The following SH3D19 variants were observed in gnomAD, a reference collection of about 807,000 sequenced individuals.
SH3D19 encodes the protein SH3 domain-containing protein 19.
A neutral mutation model predicts 112.1 loss-of-function variants in SH3D19; 58 were observed. The ratio of observed to expected loss-of-function variants is 0.52; its 90% CI spans 0.42 to 0.64. The LOEUF is 0.64. Ranked by LOEUF, SH3D19 falls within the 30% of genes least tolerant of loss-of-function variation. The pLI, the probability that SH3D19 is intolerant of heterozygous loss-of-function variation, is 0.00. For missense variants in SH3D19, 1,090 were observed against 1,263.4 expected, an observed-to-expected ratio of 0.86 and a Z score of 2.08; for synonymous variants, 391 against 448.5, an observed-to-expected ratio of 0.87 and a Z score of 1.62.
chr4:151,192,168 A>T (rs1180065593), intron 2 of SH3D19, among the ~76,000 whole-genome samples: 1 of 151,650 alleles, frequency 6.6e-6, no homozygotes, highest in African/African-American at 2.4e-5. Context: ...CGATCTCCTG[A>T]CCTCGTGATC....
At chr4:151,293,991 C>T (rs1775535206) in intron 1 of SH3D19, among the ~76,000 whole-genome samples, 1 of 152,190 alleles carries the variant, frequency 6.6e-6, no homozygotes, top group South Asian at 2.1e-4. Context: ...GGAAGCTATC[C>T]CCATCTCTCC....
chr4:151,174,951 G>A lies in SH3D19; in HGVS notation c.1253C>T (p.Pro418Leu). 1 of 1,614,148 alleles carries A rather than the reference G, an allele frequency of 6.2e-7. No homozygotes were observed. The highest frequency in any genetic ancestry group is 8.5e-7 in the Non-Finnish European group (1 of 1,179,970). ...CTTCAGCAGCAAAGGCCGCGGGGCA[G>A]GAGTTGGCACTTTCTTCCCACTATC... ...SSDSGKKVPT[P>L]APRPLLLKKS... The change falls in exon 7 of 20, where the codon CCT becomes CTT. Residue 418 changes from proline to leucine, a missense_variant. By Grantham distance (98) the Pro-to-Leu change is moderately conservative. Coordinates refer to ENST00000604030, the MANE Select transcript of SH3D19 (RefSeq NM_001378122.1).
At chr4:151,168,434 C>T (rs1758488399) in intron 7 of SH3D19, among the ~76,000 whole-genome samples, 1 of 150,298 alleles carries the variant, frequency 6.7e-6, no homozygotes, top group African/African-American at 2.5e-5. Context: ...GTCTCACTCT[C>T]ACCCACTCCC....
chr4:151,260,223 T>C (rs538549626), intron 1 of SH3D19, among the ~76,000 whole-genome samples: 12 of 152,218 alleles, frequency 7.9e-5, no homozygotes, highest in Non-Finnish European at 1.5e-4. Context: ...TTTCTCATTA[T>C]CCACCCTCTT....
At chr4:151,143,016 T>C (rs1753276990) in intron 12 of SH3D19, among the ~76,000 whole-genome samples, 1 of 152,144 alleles carries the variant, frequency 6.6e-6, no homozygotes. Context: ...TGCAGGCAGA[T>C]GGCTTAGCCC....
intron 2 of SH3D19, among the ~76,000 whole-genome samples, chr4:151,215,263 C>G (rs1260721948): frequency 1.3e-5 from 2 of 152,196 alleles, no homozygotes; most frequent in Admixed American, 6.5e-5. Flanking sequence ...TTTATAAGGC[C>G]TCTTCTACCT....
chr4:151,241,883 A>G (rs936094579), intron 1 of SH3D19, among the ~76,000 whole-genome samples: 2 of 151,196 alleles, frequency 1.3e-5, no homozygotes, highest in Non-Finnish European at 2.9e-5. Flanking sequence ...ATTTGGTATG[A>G]TATTAAAAAT....
chr4:151,191,233 T>C (rs183088972), intron 2 of SH3D19, among the ~76,000 whole-genome samples: 38 of 152,350 alleles, frequency 2.5e-4, no homozygotes, highest in Non-Finnish European at 4.1e-4. Context: ...TACTGGTTCA[T>C]AGGCGGAAGG....
intron 2 of SH3D19, among the ~76,000 whole-genome samples, chr4:151,194,431 C>A (rs746032089): frequency 2.0e-5 from 3 of 151,958 alleles, no homozygotes; most frequent in African/African-American, 7.3e-5. Context: ...AAAAAATAAG[C>A]GATAAAATAT....
At chr4:151,255,071 G>T (rs546617782) in intron 1 of SH3D19, among the ~76,000 whole-genome samples, 10 of 148,904 alleles carry the variant, frequency 6.7e-5, no homozygotes, top group Non-Finnish European at 9.0e-5. Context: ...CTGGCCGGGC[G>T]GGGGGCTGAC....
chr4:151,207,538 G>T (rs1765291067), intron 2 of SH3D19, among the ~76,000 whole-genome samples: 1 of 152,114 alleles, frequency 6.6e-6, no homozygotes, highest in Non-Finnish European at 1.5e-5. Flanking sequence ...GAAAAGAGAG[G>T]ACCAAATCTG....
At chr4:151,273,589 C>CAAAAAAAAAAAA (rs60600816) in intron 1 of SH3D19, among the ~76,000 whole-genome samples, 75 of 64,602 alleles carry the variant, frequency 1.2e-3, no homozygotes, top group East Asian at 2.8e-3. Context: ...GACTCCATCT[C>CAAAAAAAAAAAA]AAAAAAAAAA....
chr4:151,236,300 G>A (rs903260913), intron 1 of SH3D19, among the ~76,000 whole-genome samples: 3 of 152,266 alleles, frequency 2.0e-5, no homozygotes, highest in Admixed American at 6.5e-5. Context: ...CCAGGTGTGC[G>A]TGGGTTCCGC....
intron 13 of SH3D19, among the ~76,000 whole-genome samples, chr4:151,138,733 CAA>C (rs1256364356): frequency 3.4e-5 from 5 of 147,858 alleles, no homozygotes; most frequent in East Asian, 2.0e-4. Context: ...CACACACACA[CAA>C]ATTACTTTGA....
intron 1 of SH3D19, among the ~76,000 whole-genome samples, chr4:151,293,198 TG>T (rs1322100322): frequency 6.7e-6 from 1 of 149,798 alleles, no homozygotes; most frequent in Non-Finnish European, 1.5e-5. Flanking sequence ...TGGCCGGGTG[TG>T]GTGGCTCACG....
intron 2 of SH3D19, among the ~76,000 whole-genome samples, chr4:151,204,939 G>C (rs1580146484): frequency 6.6e-6 from 1 of 151,982 alleles, no homozygotes; most frequent in East Asian, 1.9e-4. Flanking sequence ...TCCTGCCTCA[G>C]TCTCTCGAGT....
intron 11 of SH3D19, among the ~76,000 whole-genome samples, chr4:151,146,314 T>TA (rs1179392152): frequency 1.3e-5 from 2 of 151,884 alleles, no homozygotes; most frequent in Non-Finnish European, 2.9e-5. Context: ...TTTTTTTTTT[T>TA]AAAAAAGAGT....
intron 2 of SH3D19, among the ~76,000 whole-genome samples, chr4:151,223,843 T>C (rs539138347): frequency 5.3e-5 from 8 of 152,240 alleles, no homozygotes; most frequent in African/African-American, 1.9e-4. Context: ...ACTTGTTTAA[T>C]ATACAGATTT....
rs369792508 is a variant in SH3D19 at position 151,239,181 on chromosome 4, T to C, written c.113-13095A>G. Among the ~76,000 whole-genome samples, 11 of 152,366 alleles carry C rather than the reference T, an allele frequency of 7.2e-5. No homozygotes were observed. In the South Asian group the frequency reaches 2.3e-3, roughly 32 times the overall value. ...CTATATATTCAGTGCTTAGCACCTA[T>C]GGGCACTTACCACATTTTGACTCAC... On this transcript the variant is annotated intron_variant, in intron 1 of 19. Coordinates refer to ENST00000604030, the MANE Select transcript of SH3D19 (RefSeq NM_001378122.1).
Sources: gnomAD v4.1 joint callset for allele counts (sites outside exome capture counted in the v4.1 genomes callset) on GRCh38, gnomAD v4.1.1 for gene constraint, MANE v1.5 for transcripts, NCBI Gene and HGNC (gene_info 2026-07-23, HGNC 2026-07-21) for gene names.